The following CBLB variants were observed in gnomAD, a reference collection of about 807,000 sequenced individuals.
CBLB encodes Cbl proto-oncogene B.
CBLB carries 31 observed loss-of-function variants against 104.9 expected under a neutral mutation model. The ratio of observed to expected loss-of-function variants is 0.30; its 90% CI spans 0.22 to 0.40. The LOEUF (loss-of-function observed/expected upper bound fraction) is 0.40, where lower values mean the gene tolerates loss of function less well. CBLB is among the 10% of genes least tolerant of loss of function. The probability of loss-of-function intolerance (pLI) is 1.00; values close to 1 mark genes in which losing one functional copy is unlikely to be tolerated. For missense variants in CBLB, 1,062 were observed against 1,214.6 expected, an observed-to-expected ratio of 0.87 and a Z score of 1.87; for synonymous variants, 440 against 422.6, an observed-to-expected ratio of 1.04 and a Z score of -0.51.
intron 11 of CBLB, among the ~76,000 whole-genome samples, chr3:105,703,451 A>G (rs1443107): frequency 0.99 from 150,207 of 152,286 alleles, 74,117 homozygotes; most frequent in East Asian, 1. Flanking sequence ...TGTAGAGTAA[A>G]AATTATGTCT....
At chr3:105,804,188 G>C (rs937675445) in intron 3 of CBLB, among the ~76,000 whole-genome samples, 2 of 152,096 alleles carry the variant, frequency 1.3e-5, no homozygotes, top group African/African-American at 4.8e-5. Flanking sequence ...AATTGAAATA[G>C]GCTATAAATG....
chr3:105,789,211 CA>C (rs771673565), intron 3 of CBLB, among the ~76,000 whole-genome samples: 5 of 152,094 alleles, frequency 3.3e-5, no homozygotes, highest in Non-Finnish European at 7.4e-5. Context: ...TTAGAGCTAC[CA>C]ATCTACTACT....
upstream of CBLB, chr3:105,869,175 A>T (rs978839440): frequency 1.7e-6 from 1 of 586,008 alleles, no homozygotes. Context: ...CGCCCCGTCC[A>T]CGTCCTCCAC....
At chr3:105,779,102 G>T (rs1213713010) in intron 3 of CBLB, among the ~76,000 whole-genome samples, 2 of 152,102 alleles carry the variant, frequency 1.3e-5, no homozygotes, top group Admixed American at 1.3e-4. Flanking sequence ...TTTATTTTCT[G>T]AATTGGCTGC....
chr3:105,752,741 T>A (rs1445041762), intron 4 of CBLB, among the ~76,000 whole-genome samples: 1 of 152,134 alleles, frequency 6.6e-6, no homozygotes, highest in African/African-American at 2.4e-5. Flanking sequence ...TCTATAGCAG[T>A]GTTTGTCAAA....
intron 14 of CBLB, among the ~76,000 whole-genome samples, chr3:105,683,093 G>C (rs916319913): frequency 1.3e-5 from 2 of 152,130 alleles, no homozygotes; most frequent in Non-Finnish European, 2.9e-5. Context: ...TATTCTCTCT[G>C]GTGGCCACTT....
At chr3:105,765,200 A>C (rs1577001461) in intron 4 of CBLB, among the ~76,000 whole-genome samples, 1 of 152,180 alleles carries the variant, frequency 6.6e-6, no homozygotes, top group East Asian at 1.9e-4. Context: ...CTATCTAGAA[A>C]ATGCTAGGGC....
intron 3 of CBLB, among the ~76,000 whole-genome samples, chr3:105,803,488 A>C (rs946439575): frequency 9.9e-5 from 15 of 152,184 alleles, no homozygotes; most frequent in Admixed American, 6.5e-5. Context: ...CATGATTCAA[A>C]AGTCAGTAAA....
At chr3:105,843,106 A>ACGCTGCTG (rs2089777540) in intron 3 of CBLB, among the ~76,000 whole-genome samples, 1 of 152,224 alleles carries the variant, frequency 6.6e-6, no homozygotes, top group Admixed American at 6.5e-5. Context: ...TACAGAGGCA[A>ACGCTGCTG]CGCTGACTAA....
chr3:105,724,657 C>G (rs547773865), intron 9 of CBLB, among the ~76,000 whole-genome samples: 1 of 152,160 alleles, frequency 6.6e-6, no homozygotes, highest in South Asian at 2.1e-4. Context: ...ACTCGTATCT[C>G]TATACGAATT....
intron 2 of CBLB, among the ~76,000 whole-genome samples, chr3:105,863,156 T>C (rs2092228519): frequency 6.6e-6 from 1 of 152,230 alleles, no homozygotes; most frequent in Non-Finnish European, 1.5e-5. Context: ...GCCTGCATTA[T>C]ATGAATGCCT....
chr3:105,671,396 C>A (rs1167056420), intron 17 of CBLB: 5 of 216,024 alleles, frequency 2.3e-5, no homozygotes, highest in Non-Finnish European at 4.7e-5. Flanking sequence ...TTGAATTATA[C>A]CTCCTAAATC....
intron 11 of CBLB, among the ~76,000 whole-genome samples, chr3:105,703,517 A>G (rs1269387577): frequency 6.6e-6 from 1 of 152,166 alleles, no homozygotes; most frequent in African/African-American, 2.4e-5. Context: ...ATTGTAATTA[A>G]TTTCTCCAGG....
At chr3:105,791,651 T>A (rs2081653654) in intron 3 of CBLB, among the ~76,000 whole-genome samples, 1 of 152,194 alleles carries the variant, frequency 6.6e-6, no homozygotes, top group Non-Finnish European at 1.5e-5. Context: ...AAGTTAAGCA[T>A]TACATTTTTC....
chr3:105,778,005 T>A (rs372707646), intron 3 of CBLB, among the ~76,000 whole-genome samples: 3 of 152,212 alleles, frequency 2.0e-5, no homozygotes, highest in Non-Finnish European at 4.4e-5. Flanking sequence ...ATATTCCCTT[T>A]TGCTCAGAAT....
chr3:105,765,691 T>C (rs2078142847), intron 4 of CBLB, among the ~76,000 whole-genome samples: 1 of 152,156 alleles, frequency 6.6e-6, no homozygotes, highest in Non-Finnish European at 1.5e-5. Context: ...AAACCTGGAT[T>C]ACTGAATATT....
In CBLB at chr3:105,867,849, T is replaced by C. The variant is rs182532637; in HGVS notation, c.-14-258A>G. 4.7e-5 allele frequency among the ~76,000 whole-genome samples: 7 copies of C among 150,258 alleles called. No homozygotes were observed. In the East Asian group the frequency reaches 1.2e-3, roughly 25 times the overall value. On this transcript the variant is annotated intron_variant, in intron 1 of 18. Coordinates refer to ENST00000394030, the MANE Select transcript of CBLB (RefSeq NM_170662.5). ...AGATGCATCCTGCTCACGTTTCAAG[T>C]AGCTAAGGCTGAACTAATACTCAAC...
chr3:105,820,664 C>T (rs1162080623), intron 3 of CBLB, among the ~76,000 whole-genome samples: 1 of 152,036 alleles, frequency 6.6e-6, no homozygotes, highest in Non-Finnish European at 1.5e-5. Context: ...TAATTTTACA[C>T]AAACACCAGA....
rs183117029 is a variant in CBLB at position 105,682,652 on chromosome 3, G to A, written c.2202-834C>T. Among the ~76,000 whole-genome samples the A allele has an allele frequency of 2.6e-4, 39 of 152,100 alleles. 1 individual carries two copies. In the East Asian group the frequency reaches 5.4e-3, roughly 21 times the overall value. ...CTCCCAAGTAGCTGGGATTACAAGC[G>A]TGCACCACCACGCCCAGCCAATTTT... On this transcript the variant is annotated intron_variant, in intron 14 of 18. Transcript: ENST00000394030.
Sources: gnomAD v4.1 joint callset for allele counts (sites outside exome capture counted in the v4.1 genomes callset) on GRCh38, gnomAD v4.1.1 for gene constraint, MANE v1.5 for transcripts, NCBI Gene and HGNC (gene_info 2026-07-23, HGNC 2026-07-21) for gene names.